GNB5: variants seen among roughly 807,000 people sequenced by gnomAD.
The protein encoded by GNB5 is G protein subunit beta 5.
GNB5 carries 37 observed loss-of-function variants against 55.3 expected under a neutral mutation model. That is an observed-to-expected ratio of 0.67 (90% confidence interval 0.51 to 0.88). The LOEUF is 0.88. Ranked by LOEUF, GNB5 falls within the 40% of genes least tolerant of loss-of-function variation. The pLI is 0.00. For synonymous variants in GNB5, 219 were observed against 198.5 expected, an observed-to-expected ratio of 1.10 and a Z score of -0.87; for missense variants, 476 against 515.3, an observed-to-expected ratio of 0.92 and a Z score of 0.74.
In GNB5 at chr15:52,116,492, G is replaced by A. The variant is rs1407214173; in HGVS notation, c.*6265C>T. ...ACACATAATTGTATGTATTTATGGG[G>A]TACAGTGTGTTATTTTGATACATGT... On this transcript the variant is annotated 3_prime_UTR_variant, in exon 13 of 13. Transcript: ENST00000261837. The A allele has an allele frequency of 2.0e-5, 3 of 152,028 alleles. No individual in the cohort carries two copies. Among genetic ancestry groups the A allele is most frequent in the African/African-American group, 4.8e-5 (2 of 41,358 alleles). The allele number at this position is 152,028 out of a possible 1,614,324, so 9.4% of individuals were successfully genotyped here. A position where few individuals can be genotyped will look rare whatever the true frequency, so the allele number is the denominator to read the frequency against.
chr15:52,165,709 T>C (rs187606871), intron 3 of GNB5, among the ~76,000 whole-genome samples: 15 of 151,248 alleles, frequency 9.9e-5, no homozygotes, highest in South Asian at 4.2e-4. Flanking sequence ...GCACCAAATA[T>C]AGAAAGGAAA....
chr15:52,154,712 C>T lies in GNB5; in HGVS notation c.239-636G>A, dbSNP rs1262314210. On this transcript the variant is annotated intron_variant, in intron 3 of 12. Transcript: ENST00000261837. ...CATGGCAGGTTCCTCATACACATGG[C>T]GCAGGAAAGAATGAACCAGCAAACT... Among the ~76,000 whole-genome samples, 15 of 152,300 alleles carry T rather than the reference C, an allele frequency of 9.8e-5. No homozygotes were observed. In the South Asian group the frequency reaches 2.3e-3, roughly 23 times the overall value.
rs1555409681 is a variant in GNB5, at chr15:52,187,973, AAT to A, written c.-18-3281_-18-3280del. On this transcript the variant is annotated intron_variant, in intron 1 of 12. Coordinates refer to ENST00000261837, the MANE Select transcript of GNB5 (RefSeq NM_016194.4). ...CAAAGAAAATTAAAAATTAAAAATA[AAT>A]AAATAAATAAGTGGAAACAGAAGGA... is the stretch of plus-strand genomic sequence containing the variant. 7.3e-5 allele frequency among the ~76,000 whole-genome samples: 11 copies of A among 150,936 alleles called. 1 individual carries two copies. Among genetic ancestry groups the A allele is most frequent in the African/African-American group, 1.5e-4 (6 of 40,472 alleles).
intron 9 of GNB5, among the ~76,000 whole-genome samples, chr15:52,130,916 G>T (rs28508167): frequency 6.6e-6 from 1 of 152,112 alleles, no homozygotes; most frequent in Non-Finnish European, 1.5e-5. Flanking sequence ...ACCTCTGCCT[G>T]CTGGGTTCAA....
At chr15:52,182,856 A>G (rs1346183650) in intron 2 of GNB5, among the ~76,000 whole-genome samples, 1 of 152,216 alleles carries the variant, frequency 6.6e-6, no homozygotes, top group Non-Finnish European at 1.5e-5. Context: ...ATGAGAATTA[A>G]GTAAGATTGT....
intron 1 of GNB5, 76 bp from the exon 2 acceptor site, chr15:52,184,770 T>C (rs1287928840): frequency 1.7e-5 from 21 of 1,231,550 alleles, no homozygotes; most frequent in African/African-American, 3.0e-5. Context: ...TCTTCTTGCT[T>C]GTACCGTGGT....
intron 10 of GNB5, 184 bp from the exon 11 acceptor site, chr15:52,126,228 A>C (rs1261163883): frequency 1.9e-6 from 1 of 537,706 alleles, no homozygotes; most frequent in African/African-American, 1.9e-5. Flanking sequence ...ATGAGTCAGT[A>C]AAGAGTCCTG....
chr15:52,155,067 C>T (rs921228283), intron 3 of GNB5, among the ~76,000 whole-genome samples: 1 of 152,200 alleles, frequency 6.6e-6, no homozygotes, highest in African/African-American at 2.4e-5. Flanking sequence ...CTGCAGGGAT[C>T]CCATGGCCAC....
In GNB5 at chr15:52,133,398, T is replaced by C. The variant is rs1324656919; in HGVS notation, c.843A>G (p.Glu281=). 6.2e-7 allele frequency: 1 copy of C among 1,607,640 alleles called. No homozygotes were observed. The highest frequency in any genetic ancestry group is 1.7e-5 in the Admixed American group (1 of 60,000). The change falls in exon 9 of 13, where the codon GAA becomes GAG. Residue 281 remains glutamate, a synonymous_variant. Transcript: ENST00000261837. ...CTGACCGGACACTGTTGATGTCAGA[T>C]TCATGTGTTTCAAAGGCCTGCACGC... The part of the protein sequence containing the change: ...GQCVQAFETH[E]SDINSVRYYP...
intron 8 of GNB5, among the ~76,000 whole-genome samples, chr15:52,134,461 C>T (rs926525676): frequency 5.9e-5 from 9 of 152,152 alleles, no homozygotes; most frequent in Non-Finnish European, 1.3e-4. Flanking sequence ...CCAGAAAGGC[C>T]TTCACATCTT....
chr15:52,165,823 G>A (rs1399402161), intron 3 of GNB5, among the ~76,000 whole-genome samples: 2 of 152,108 alleles, frequency 1.3e-5, no homozygotes, highest in African/African-American at 2.4e-5. Context: ...ATGATGACAG[G>A]ATCAAATTCA....
At chr15:52,166,946 TA>T (rs748523431) in intron 3 of GNB5, among the ~76,000 whole-genome samples, 15 of 151,436 alleles carry the variant, frequency 9.9e-5, no homozygotes, top group Non-Finnish European at 1.6e-4. Flanking sequence ...GATAGATTAA[TA>T]AAAGAGAGGA....
At chr15:52,160,456 C>A (rs2034308313) in intron 3 of GNB5, among the ~76,000 whole-genome samples, 2 of 152,052 alleles carry the variant, frequency 1.3e-5, no homozygotes, top group South Asian at 4.2e-4. Flanking sequence ...ACCCGGAGAG[C>A]AACGGGGCTT....
intron 4 of GNB5, 123 bp downstream of exon 4, chr15:52,153,817 T>C: frequency 1.3e-6 from 1 of 784,664 alleles, no homozygotes; most frequent in African/African-American, 1.7e-5. Flanking sequence ...CTAAATCACA[T>C]CCTTTGGAGA....
chr15:52,141,010 G>A (rs749432559), intron 7 of GNB5, 130 bp downstream of exon 7: 7 of 679,674 alleles, frequency 1.0e-5, no homozygotes, highest in African/African-American at 1.8e-5. Context: ...AACAATAGGA[G>A]CTTCCTCTTA....
chr15:52,154,014 G>A lies in GNB5; in HGVS notation c.301C>T (p.Leu101Phe), dbSNP rs1487682778. The A allele has an allele frequency of 1.3e-5, 21 of 1,613,890 alleles. No individual in the cohort carries two copies. The highest frequency in any genetic ancestry group is 1.7e-5 in the Non-Finnish European group (20 of 1,179,902). Residue 101 changes from leucine to phenylalanine, a missense_variant, in exon 4 of 13, where the codon CTC becomes TTC. Physicochemically the swap from Leu to Phe is conservative, Grantham distance 22. Transcript: ENST00000261837. The part of the protein sequence containing the change: ...GQFVMKTRRT[L>F]KGHGNKVLCM... Reference sequence around the variant, plus strand: ...AGGACTTTGTTCCCGTGGCCTTTGAGGGTCCTTCTGGTCTTCATGACAAAC... The same window carrying A: ...AGGACTTTGTTCCCGTGGCCTTTGAAGGTCCTTCTGGTCTTCATGACAAAC...
chr15:52,171,767 T>C (rs1183197614), intron 3 of GNB5, among the ~76,000 whole-genome samples: 1 of 152,232 alleles, frequency 6.6e-6, no homozygotes, highest in Non-Finnish European at 1.5e-5. Context: ...AAGCCATAAA[T>C]CAGAATAGTC....
At chr15:52,152,734 G>A (rs2034126159) in intron 4 of GNB5, among the ~76,000 whole-genome samples, 1 of 151,118 alleles carries the variant, frequency 6.6e-6, no homozygotes, top group Non-Finnish European at 1.5e-5. Flanking sequence ...ACACCCAAAC[G>A]ATACTCCCAC....
intron 4 of GNB5, 88 bp from the exon 5 acceptor site, chr15:52,150,013 G>A (rs575938877): frequency 3.8e-5 from 38 of 994,688 alleles, no homozygotes; most frequent in Non-Finnish European, 6.1e-5. Context: ...TGTCCAGCAG[G>A]GCAGTGTGAA....
Sources: allele counts gnomAD v4.1 joint callset (sites outside exome capture counted in the v4.1 genomes callset), GRCh38; gene constraint gnomAD v4.1.1; transcripts MANE v1.5; gene names NCBI Gene and HGNC (gene_info 2026-07-23, HGNC 2026-07-21).